RGS6: variants seen among roughly 807,000 people sequenced by gnomAD.
RGS6 encodes regulator of G protein signaling 6.
In RGS6, 30 loss-of-function variants were observed where a neutral mutation model predicts 78.5. The observed-to-expected ratio is 0.38, with a 90% confidence interval of 0.29 to 0.52. The LOEUF (loss-of-function observed/expected upper bound fraction) is 0.52. Among genes scored for constraint, RGS6 ranks in the 20% least tolerant of loss-of-function variants. The pLI, the probability that RGS6 is intolerant of heterozygous loss-of-function variation, is 0.85. For missense variants in RGS6, 495 were observed against 609.7 expected (o/e 0.81, Z 1.98); for synonymous variants, 206 against 206.0 (o/e 1.00, Z 0.00).
At chr14:72,014,340 G>A (rs2153232804) in intron 2 of RGS6, among the ~76,000 whole-genome samples, 1 of 152,326 alleles carries the variant, frequency 6.6e-6, no homozygotes, top group South Asian at 2.1e-4. Context: ...AGAACTCTTT[G>A]ATGCTTCCAT....
Position 72,155,084 on chromosome 14 carries a change from A to G in RGS6, c.84+190209A>G, listed in dbSNP as rs17108275. ...TGCTGGCTTTCTGGAAAGCCAGTAA[A>G]TAAGGCAGAAAAAATGTATCATTCC... On this transcript the variant is annotated intron_variant, in intron 2 of 17. Transcript: ENST00000553525. 6.7e-3 allele frequency among the ~76,000 whole-genome samples: 1,016 copies of G among 152,354 alleles called. 32 individuals are homozygous for G. Among genetic ancestry groups the G allele is most frequent in the Admixed American group, 0.059 (906 of 15,304 alleles).
intron 2 of RGS6, among the ~76,000 whole-genome samples, chr14:72,336,862 C>A (rs538477980): frequency 2.2e-4 from 33 of 152,114 alleles, no homozygotes; most frequent in African/African-American, 7.7e-4. Context: ...GACTTTGCCC[C>A]CTGTGTTTCT....
At chr14:72,420,585 T>A (rs2094121437) in intron 3 of RGS6, among the ~76,000 whole-genome samples, 1 of 152,150 alleles carries the variant, frequency 6.6e-6, no homozygotes, top group Non-Finnish European at 1.5e-5. Context: ...GAATTCATTT[T>A]TTTCCCTTTT....
intron 2 of RGS6, among the ~76,000 whole-genome samples, chr14:71,974,673 T>A (rs2094008941): frequency 6.6e-6 from 1 of 152,256 alleles, no homozygotes; most frequent in African/African-American, 2.4e-5. Context: ...TTTCATTTTT[T>A]AAAATAAAAT....
In RGS6 at chr14:72,100,607, G is replaced by A. The variant is rs558812112; in HGVS notation, c.84+135732G>A. On this transcript the variant is annotated intron_variant, in intron 2 of 17. Coordinates refer to ENST00000553525, the MANE Select transcript of RGS6 (RefSeq NM_001204424.2). The stretch of plus-strand genomic sequence containing the variant: ...AGTTTGATGTACTCTGTGACTTTCA[G>A]TTGAAGATGTCACAAGATTACGACA... 5.3e-5 allele frequency among the ~76,000 whole-genome samples: 8 copies of A among 152,338 alleles called. No homozygotes were observed. The South Asian group carries it at 1.7e-3, about 32-fold the overall frequency.
intron 10 of RGS6, among the ~76,000 whole-genome samples, chr14:72,475,426 G>A (rs372212990): frequency 3.3e-5 from 5 of 152,090 alleles, no homozygotes; most frequent in South Asian, 2.1e-4. Flanking sequence ...ACCAGACTCC[G>A]TAATATTAAT....
rs72719876 is a variant in RGS6 at position 72,186,391 on chromosome 14, G to A, written c.85-165704G>A. On this transcript the variant is annotated intron_variant, in intron 2 of 17. Transcript: ENST00000553525. ...CAGGAGCCTGCAAATTGCCCTTGAGGGAGGTAACTTTTAGCATCTGAGGCT... is the reference window on the plus strand; with the variant it reads ...CAGGAGCCTGCAAATTGCCCTTGAGAGAGGTAACTTTTAGCATCTGAGGCT... 8.7e-3 allele frequency among the ~76,000 whole-genome samples: 1,330 copies of A among 152,344 alleles called. 3 individuals are homozygous for A. Among genetic ancestry groups the A allele is most frequent in the Non-Finnish European group, 0.014 (919 of 68,032 alleles).
intron 13 of RGS6, among the ~76,000 whole-genome samples, chr14:72,498,428 G>C (rs1183828038): frequency 6.6e-6 from 1 of 152,076 alleles, no homozygotes; most frequent in Non-Finnish European, 1.5e-5. Context: ...ATAAATGAAG[G>C]TCTTAGCTTT....
chr14:72,063,802 A>C (rs1208589690), intron 2 of RGS6, among the ~76,000 whole-genome samples: 1 of 151,968 alleles, frequency 6.6e-6, no homozygotes, highest in African/African-American at 2.4e-5. Flanking sequence ...TTATGGGAAG[A>C]TACTGTTATT....
intron 2 of RGS6, among the ~76,000 whole-genome samples, chr14:72,156,991 C>T (rs1421045121): frequency 2.0e-5 from 3 of 152,154 alleles, no homozygotes; most frequent in Admixed American, 2.0e-4. Flanking sequence ...GGCTCTGAAT[C>T]TGTTGTCATT....
intron 2 of RGS6, among the ~76,000 whole-genome samples, chr14:72,333,727 C>T (rs2075483560): frequency 1.3e-5 from 2 of 152,162 alleles, no homozygotes; most frequent in South Asian, 4.1e-4. Context: ...GGGCCCTCAC[C>T]ATCACACCCA....
chr14:72,602,134 G>C, the RGS6 span, among the ~76,000 whole-genome samples: 1 of 152,198 alleles, frequency 6.6e-6, no homozygotes, highest in Non-Finnish European at 1.5e-5. Context: ...CCTCCATTAA[G>C]AGAAAAGGAA....
At chr14:72,422,575 A>G (rs999156826) in intron 3 of RGS6, among the ~76,000 whole-genome samples, 1 of 152,150 alleles carries the variant, frequency 6.6e-6, no homozygotes, top group African/African-American at 2.4e-5. Context: ...GGCCAGCCCA[A>G]GAGACTGGGA....
rs57313903 is a variant in RGS6, at chr14:72,240,180, T to C, written c.85-111915T>C. On this transcript the variant is annotated intron_variant, in intron 2 of 17. Coordinates refer to ENST00000553525, the MANE Select transcript of RGS6 (RefSeq NM_001204424.2). The stretch of plus-strand genomic sequence containing the variant: ...TTCCACCAGACTCTTGAGTTTTCAG[T>C]TTGAGGGAATCCTTTGAATAAATAT... Among the ~76,000 whole-genome samples, 1,372 of 152,272 alleles carry C rather than the reference T, an allele frequency of 9.0e-3. 27 individuals are homozygous for C. The highest frequency in any genetic ancestry group is 0.031 in the African/African-American group (1,291 of 41,540).
At chr14:72,188,085 T>G (rs1056735854) in intron 2 of RGS6, among the ~76,000 whole-genome samples, 2 of 152,008 alleles carry the variant, frequency 1.3e-5, no homozygotes, top group African/African-American at 4.8e-5. Flanking sequence ...GCCAGCCTAC[T>G]GTCCAGTGTT....
chr14:72,266,657 G>T (rs1335379775), intron 2 of RGS6, among the ~76,000 whole-genome samples: 3 of 152,232 alleles, frequency 2.0e-5, no homozygotes, highest in Non-Finnish European at 4.4e-5. Context: ...TCTCAGAAGG[G>T]CATCAGGGTT....
At chr14:72,589,443 A>G in the RGS6 span, among the ~76,000 whole-genome samples, 10,420 of 152,188 alleles carry the variant, frequency 0.068, 829 homozygotes, top group African/African-American at 0.19. Context: ...CCAGCTACTC[A>G]GGAGGCTGAG....
chr14:72,333,075 A>G lies in RGS6; in HGVS notation c.85-19020A>G, dbSNP rs150735533. 9.3e-3 allele frequency among the ~76,000 whole-genome samples: 1,424 copies of G among 152,300 alleles called. 14 individuals are homozygous for G. The highest frequency in any genetic ancestry group is 0.016 in the Non-Finnish European group (1,107 of 68,028). ...CATTTCACACGCATAATCTCACCAC[A>G]GGGGGCCAGGCTGCCTCTTGGTCTA... On this transcript the variant is annotated intron_variant, in intron 2 of 17. Transcript: ENST00000553525.
chr14:72,168,365 C>A (rs1019645370), intron 2 of RGS6, among the ~76,000 whole-genome samples: 1 of 152,110 alleles, frequency 6.6e-6, no homozygotes, highest in Non-Finnish European at 1.5e-5. Flanking sequence ...TGAGAGTGGA[C>A]GTGGAATCCT....
Sources: allele counts gnomAD v4.1 joint callset (sites outside exome capture counted in the v4.1 genomes callset), GRCh38; gene constraint gnomAD v4.1.1; transcripts MANE v1.5; gene names NCBI Gene and HGNC (gene_info 2026-07-23, HGNC 2026-07-21).